The following SPAG16 variants were observed in gnomAD, a reference collection of about 807,000 sequenced individuals.
The protein encoded by SPAG16 is sperm associated antigen 16.
Under a neutral mutation model 80.4 loss-of-function variants are expected in SPAG16, and 86 were observed. The ratio of observed to expected loss-of-function variants is 1.07; its 90% CI spans 0.90 to 1.28. The LOEUF (loss-of-function observed/expected upper bound fraction) is 1.28, where lower values mean the gene tolerates loss of function less well. Among genes scored for constraint, SPAG16 ranks in the 50% most tolerant of loss-of-function variants. The probability of loss-of-function intolerance (pLI) is 0.00; values close to 1 mark genes in which losing one functional copy is unlikely to be tolerated. For missense variants in SPAG16, 870 were observed against 765.3 expected (o/e 1.14, Z -1.61); for synonymous variants, 294 against 265.9 (o/e 1.11, Z -1.03).
intron 9 of SPAG16, among the ~76,000 whole-genome samples, chr2:213,489,501 A>T (rs1285354248): frequency 2.0e-5 from 3 of 152,132 alleles, no homozygotes; most frequent in Non-Finnish European, 4.4e-5. Flanking sequence ...TAAAAAGAAA[A>T]TCATAATCAA....
intron 13 of SPAG16, among the ~76,000 whole-genome samples, chr2:214,106,246 A>T (rs1290708348): frequency 6.6e-6 from 1 of 152,168 alleles, no homozygotes; most frequent in Non-Finnish European, 1.5e-5. Context: ...TAACCAAAAA[A>T]TTTCTAAGAT....
At chr2:213,477,444 A>G (rs972768728) in intron 9 of SPAG16, among the ~76,000 whole-genome samples, 2 of 152,168 alleles carry the variant, frequency 1.3e-5, no homozygotes, top group East Asian at 1.9e-4. Context: ...GGGGAGTTAT[A>G]CCCTGCAAAG....
intron 14 of SPAG16, among the ~76,000 whole-genome samples, chr2:214,135,574 G>A (rs927217009): frequency 7.2e-5 from 11 of 152,154 alleles, no homozygotes; most frequent in African/African-American, 2.7e-4. Flanking sequence ...AGTAAGAGGT[G>A]TTTGGGTCAT....
At chr2:214,397,934 T>C (rs992606813) in intron 15 of SPAG16, among the ~76,000 whole-genome samples, 39 of 152,210 alleles carry the variant, frequency 2.6e-4, no homozygotes, top group African/African-American at 9.2e-4. Context: ...GTATGCACTC[T>C]CACTTGTTCT....
chr2:213,536,515 G>A (rs1280164509), intron 10 of SPAG16, among the ~76,000 whole-genome samples: 1 of 152,070 alleles, frequency 6.6e-6, no homozygotes, highest in Non-Finnish European at 1.5e-5. Flanking sequence ...TTTAATGATT[G>A]CCATTCTAAC....
At chr2:213,488,785 A>G (rs1373949558) in intron 9 of SPAG16, among the ~76,000 whole-genome samples, 1 of 152,170 alleles carries the variant, frequency 6.6e-6, no homozygotes, top group Admixed American at 6.5e-5. Context: ...AATTAGAAAT[A>G]TATTATTTCA....
chr2:213,833,492 A>AT (rs2073841673), intron 10 of SPAG16, among the ~76,000 whole-genome samples: 1 of 1,698 alleles, frequency 5.9e-4, no homozygotes, highest in African/African-American at 7.5e-4. Context: ...TATATTATAT[A>AT]TAATATATAT....
intron 11 of SPAG16, among the ~76,000 whole-genome samples, chr2:213,863,955 T>C (rs1325748916): frequency 6.6e-6 from 1 of 152,156 alleles, no homozygotes; most frequent in Non-Finnish European, 1.5e-5. Context: ...TACTGTTTGC[T>C]TTTTTTCAGT....
At position 213,931,683 on chromosome 2, in the gene SPAG16, C is replaced by T. The variant is rs76533099; in HGVS notation, c.1400+1538C>T. On this transcript the variant is annotated intron_variant, in intron 12 of 15. Transcript: ENST00000331683. ...AATGATTTCAAACACTTTGACTTGA[C>T]AACTTTTCTTTATGACCCTGGTATC... Among the ~76,000 whole-genome samples the T allele has an allele frequency of 5.3e-3, 805 of 152,268 alleles. 14 individuals carry two copies. The highest frequency in any genetic ancestry group is 0.042 in the East Asian group (217 of 5,178).
intron 10 of SPAG16, among the ~76,000 whole-genome samples, chr2:213,751,148 T>A (rs2068059786): frequency 6.6e-6 from 1 of 152,182 alleles, no homozygotes; most frequent in African/African-American, 2.4e-5. Flanking sequence ...TTTTTTTTTT[T>A]ACTAAAGAAA....
chr2:213,987,245 G>A (rs1221657975), intron 12 of SPAG16, among the ~76,000 whole-genome samples: 1 of 151,958 alleles, frequency 6.6e-6, no homozygotes, highest in African/African-American at 2.4e-5. Flanking sequence ...TCTAACTCGG[G>A]CATGACACTT....
At chr2:213,733,260 G>A (rs6744816) in intron 10 of SPAG16, among the ~76,000 whole-genome samples, 139,888 of 151,302 alleles carry the variant, frequency 0.92, 65,704 homozygotes, top group East Asian at 1. Flanking sequence ...TATAGATGCT[G>A]AATATTAGAC....
intron 10 of SPAG16, among the ~76,000 whole-genome samples, chr2:213,665,592 C>T (rs1393998353): frequency 5.9e-5 from 9 of 152,066 alleles, no homozygotes; most frequent in African/African-American, 1.9e-4. Context: ...GAATACTGAA[C>T]CATTGCTTCT....
At position 214,322,191 on chromosome 2, in the gene SPAG16, C is replaced by A. The variant is rs55799425; in HGVS notation, c.1721-87949C>A. Among the ~76,000 whole-genome samples the A allele has an allele frequency of 1.3e-3, 191 of 152,312 alleles. 1 individual carries two copies. Among genetic ancestry groups the A allele is most frequent in the African/African-American group, 4.3e-3 (180 of 41,560 alleles). ...CCATTGAATCTCACCTCACCCCTGG[C>A]TGCAAGTTAGAATCACCAAGGACAT... On this transcript the variant is annotated intron_variant, in intron 15 of 15. Transcript: ENST00000331683.
At chr2:214,403,333 A>ATATATT (rs1189070454) in intron 15 of SPAG16, among the ~76,000 whole-genome samples, 1 of 148,650 alleles carries the variant, frequency 6.7e-6, no homozygotes, top group African/African-American at 2.4e-5. Flanking sequence ...ATATTTATTT[A>ATATATT]TATATTTATA....
At chr2:214,367,049 G>A (rs185542865) in intron 15 of SPAG16, among the ~76,000 whole-genome samples, 1 of 152,148 alleles carries the variant, frequency 6.6e-6, no homozygotes, top group Admixed American at 6.5e-5. Context: ...GGTCACCCTA[G>A]GGAGGAGGGT....
chr2:213,968,659 T>A (rs2044851182), intron 12 of SPAG16, among the ~76,000 whole-genome samples: 1 of 152,234 alleles, frequency 6.6e-6, no homozygotes. Flanking sequence ...AGCTGCAAAT[T>A]TGACGTAAAA....
At chr2:213,322,615 C>A (rs2063672947) in intron 5 of SPAG16, among the ~76,000 whole-genome samples, 2 of 152,118 alleles carry the variant, frequency 1.3e-5, no homozygotes, top group African/African-American at 2.4e-5. Context: ...TTTCTTAACT[C>A]CAAACAGTTG....
intron 14 of SPAG16, among the ~76,000 whole-genome samples, chr2:214,145,840 C>T (rs906264603): frequency 6.6e-6 from 1 of 152,094 alleles, no homozygotes; most frequent in Non-Finnish European, 1.5e-5. Context: ...CTCTTCATTC[C>T]CTTTGTATTC....
Sources: gnomAD v4.1 joint callset for allele counts (sites outside exome capture counted in the v4.1 genomes callset) on GRCh38, gnomAD v4.1.1 for gene constraint, MANE v1.5 for transcripts, NCBI Gene and HGNC (gene_info 2026-07-23, HGNC 2026-07-21) for gene names.